The following KCND3 variants were observed in gnomAD, a reference collection of about 807,000 sequenced individuals.
KCND3 encodes the protein A-type voltage-gated potassium channel KCND3.
In KCND3, 9 loss-of-function variants were observed where a neutral mutation model predicts 51.1. The observed-to-expected ratio is 0.18, with a 90% CI of 0.11 to 0.31. The LOEUF is 0.31. Ranked by LOEUF, KCND3 falls within the 10% of genes least tolerant of loss-of-function variation. KCND3 has a pLI of 1.00. For synonymous variants in KCND3, 349 were observed against 368.0 expected, an observed-to-expected ratio of 0.95 and a Z score of 0.59; for missense variants, 526 against 903.8, an observed-to-expected ratio of 0.58 and a Z score of 5.36.
intron 2 of KCND3, among the ~76,000 whole-genome samples, chr1:111,901,085 G>A (rs1370194122): frequency 6.6e-6 from 1 of 152,234 alleles, no homozygotes; most frequent in Non-Finnish European, 1.5e-5. Context: ...TATGAATTGA[G>A]TATAAGGTAG....
intron 2 of KCND3, among the ~76,000 whole-genome samples, chr1:111,954,165 G>A (rs1011966294): frequency 6.6e-6 from 1 of 152,170 alleles, no homozygotes; most frequent in Non-Finnish European, 1.5e-5. Context: ...TGCACCTGCA[G>A]ACTGTGGAAT....
At chr1:111,809,622 C>G (rs1665753122) in intron 2 of KCND3, among the ~76,000 whole-genome samples, 1 of 151,938 alleles carries the variant, frequency 6.6e-6, no homozygotes, top group African/African-American at 2.4e-5. Context: ...GATTATTTTT[C>G]TAGACTTGGA....
Position 111,982,334 on chromosome 1 carries a change from G to A in KCND3, c.393C>T (p.Cys131=). The A allele has an allele frequency of 1.2e-6, 2 of 1,614,178 alleles. No homozygotes were observed. The highest frequency in any genetic ancestry group is 1.7e-6 in the Non-Finnish European group (2 of 1,180,034). The part of the protein sequence containing the change: ...YGILPEIIGD[C]CYEEYKDRKR... ...TGCGGTCCTTGTACTCCTCGTAGCA[G>A]CAGTCCCCGATGATCTCCGGGAGGA... The change falls in exon 2 of 8, where the codon TGC becomes TGT. Residue 131 remains cysteine (C), a synonymous_variant. Transcript: ENST00000302127. This position sits in a 1 kb window ranked among gnomAD's most constrained non-coding sequence, Gnocchi z 8.5.
chr1:111,816,366 T>C (rs1157071413), intron 2 of KCND3, among the ~76,000 whole-genome samples: 1 of 152,244 alleles, frequency 6.6e-6, no homozygotes, highest in East Asian at 1.9e-4. Flanking sequence ...GTGAACTGAC[T>C]CAGACTCCCT....
intron 2 of KCND3, among the ~76,000 whole-genome samples, chr1:111,810,314 C>G (rs189007049): frequency 8.5e-4 from 129 of 152,304 alleles, no homozygotes; most frequent in Middle Eastern, 3.4e-3. Context: ...CCTTTCCCTA[C>G]CTGGAAGAGG....
At position 111,928,256 on chromosome 1, in the gene KCND3, T is replaced by C. The variant is rs183294748; in HGVS notation, c.1106+53365A>G. Among the ~76,000 whole-genome samples the C allele has an allele frequency of 3.4e-3, 521 of 152,212 alleles. 4 individuals are homozygous for C. The highest frequency in any genetic ancestry group is 4.1e-3 in the Non-Finnish European group (279 of 68,016). On this transcript the variant is annotated intron_variant, in intron 2 of 7. Coordinates refer to ENST00000302127, the MANE Select transcript of KCND3 (RefSeq NM_001378969.1). ...GACAAATACTTGTTAAATGAATGAG[T>C]GGCATAGAGGTCATGGTGCACTAGA...
At chr1:111,900,028 G>A (rs776847511) in intron 2 of KCND3, among the ~76,000 whole-genome samples, 1 of 152,174 alleles carries the variant, frequency 6.6e-6, no homozygotes. Context: ...TCAACTTGGC[G>A]CCACACAGGA....
chr1:111,881,394 C>A (rs998723862), intron 2 of KCND3, among the ~76,000 whole-genome samples: 4 of 152,228 alleles, frequency 2.6e-5, no homozygotes, highest in African/African-American at 9.6e-5. Context: ...TGCACCTGCC[C>A]AAGGCCGGGT....
chr1:111,870,245 A>G (rs1438519719), intron 2 of KCND3, among the ~76,000 whole-genome samples: 1 of 152,222 alleles, frequency 6.6e-6, no homozygotes, highest in Non-Finnish European at 1.5e-5. Context: ...CACAGCTCCA[A>G]CTAAATTCTC....
chr1:111,864,835 G>C (rs1049763520), intron 2 of KCND3, among the ~76,000 whole-genome samples: 1 of 152,190 alleles, frequency 6.6e-6, no homozygotes, highest in African/African-American at 2.4e-5. Flanking sequence ...TAAGACAGTA[G>C]TGTGCATGTT....
intron 2 of KCND3, among the ~76,000 whole-genome samples, chr1:111,856,273 C>A (rs1368534852): frequency 3.3e-5 from 5 of 152,234 alleles, no homozygotes; most frequent in Admixed American, 2.6e-4. Context: ...ACAATTTGGT[C>A]TCAGAAGCCT....
At chr1:111,951,674 C>T (rs974964141) in intron 2 of KCND3, among the ~76,000 whole-genome samples, 4 of 152,154 alleles carry the variant, frequency 2.6e-5, no homozygotes, top group Non-Finnish European at 5.9e-5. Context: ...AGTTCACATT[C>T]TACAGTAAGG....
intron 2 of KCND3, among the ~76,000 whole-genome samples, chr1:111,972,192 A>G (rs1298749214): frequency 3.6e-5 from 2 of 55,856 alleles, no homozygotes; most frequent in Non-Finnish European, 6.5e-5. Context: ...TTTTTTTTTG[A>G]GACGGAGTCT....
intron 2 of KCND3, among the ~76,000 whole-genome samples, chr1:111,794,357 T>TG (rs1376936231): frequency 6.6e-6 from 1 of 152,106 alleles, no homozygotes; most frequent in Non-Finnish European, 1.5e-5. Flanking sequence ...GCCTCTCAGG[T>TG]GGGGGCACGG....
chr1:111,944,716 T>C (rs912866555), intron 2 of KCND3, among the ~76,000 whole-genome samples: 4 of 152,238 alleles, frequency 2.6e-5, no homozygotes, highest in Non-Finnish European at 5.9e-5. Flanking sequence ...CCGCAGTGCC[T>C]AGCACATACA....
At chr1:111,905,997 G>A (rs1670634637) in intron 2 of KCND3, among the ~76,000 whole-genome samples, 1 of 152,188 alleles carries the variant, frequency 6.6e-6, no homozygotes, top group East Asian at 1.9e-4. Flanking sequence ...GTAACTACCT[G>A]GGTGGAGAAC....
intron 2 of KCND3, among the ~76,000 whole-genome samples, chr1:111,958,706 C>T (rs531132414): frequency 6.6e-6 from 1 of 152,264 alleles, no homozygotes; most frequent in East Asian, 1.9e-4. Context: ...AGCTGGCAGG[C>T]CCCCTCTGTC....
At chr1:111,923,834 A>G (rs371130184) in intron 2 of KCND3, among the ~76,000 whole-genome samples, 1 of 151,824 alleles carries the variant, frequency 6.6e-6, no homozygotes. Flanking sequence ...TAGGTAAATG[A>G]CTCCTCCTTA....
intron 2 of KCND3, among the ~76,000 whole-genome samples, chr1:111,831,732 C>A (rs187005930): frequency 6.6e-6 from 1 of 152,148 alleles, no homozygotes; most frequent in African/African-American, 2.4e-5. Flanking sequence ...GCTGGCCCCA[C>A]GAGAATCACC....
Sources: gnomAD v4.1 joint callset for allele counts (sites outside exome capture counted in the v4.1 genomes callset) on GRCh38, gnomAD v4.1.1 for gene constraint, Gnocchi (gnomAD v3.1) non-coding constraint, MANE v1.5 for transcripts, NCBI Gene and HGNC (gene_info 2026-07-23, HGNC 2026-07-21) for gene names.